The following CLDN14 variants were observed in gnomAD, a reference collection of about 807,000 sequenced individuals.
The protein encoded by CLDN14 is claudin-14.
A neutral mutation model predicts 2.1 loss-of-function variants in CLDN14; 2 were observed. The ratio of observed to expected loss-of-function variants is 0.96; its 90% confidence interval spans 0.39 to 3.01. CLDN14 has a LOEUF of 3.01. Among genes scored for constraint, CLDN14 ranks in the 30% most tolerant of loss-of-function variants. The probability of loss-of-function intolerance (pLI) is 0.09; values close to 1 mark genes in which losing one functional copy is unlikely to be tolerated. For synonymous variants in CLDN14, 136 were observed against 154.4 expected (o/e 0.88, Z 0.88); for missense variants, 298 against 328.0 (o/e 0.91, Z 0.71).
chr21:36,563,138 A>T (rs2087648673), intron 1 of CLDN14, among the ~76,000 whole-genome samples: 1 of 152,252 alleles, frequency 6.6e-6, no homozygotes, highest in Non-Finnish European at 1.5e-5. Context: ...CCTGAGATGC[A>T]TGGGCTACAT....
chr21:36,537,892 C>T (rs2087441135), intron 1 of CLDN14, among the ~76,000 whole-genome samples: 1 of 152,184 alleles, frequency 6.6e-6, no homozygotes, highest in African/African-American at 2.4e-5. Context: ...TAGTGATCTG[C>T]CTGCTTCAGC....
intron 1 of CLDN14, among the ~76,000 whole-genome samples, chr21:36,530,681 G>A (rs2087372720): frequency 6.6e-6 from 1 of 152,234 alleles, no homozygotes. Context: ...CCCACCAAAG[G>A]AGAGGGGCAG....
chr21:36,517,094 C>T (rs2087234308), intron 1 of CLDN14, among the ~76,000 whole-genome samples: 1 of 152,204 alleles, frequency 6.6e-6, no homozygotes, highest in Admixed American at 6.5e-5. Context: ...CCCACCTCAG[C>T]CTCCCAAAGT....
chr21:36,486,797 G>A (rs1477314848), intron 2 of CLDN14: 36 of 766,394 alleles, frequency 4.7e-5, no homozygotes, highest in Non-Finnish European at 6.5e-5. Flanking sequence ...TTCTTGCCCC[G>A]TCAGCGCTTC....
chr21:36,463,063 G>A (rs961224078), intron 1 of CLDN14, among the ~76,000 whole-genome samples: 8 of 152,156 alleles, frequency 5.3e-5, no homozygotes, highest in African/African-American at 9.7e-5. Flanking sequence ...AGGAAGGGAT[G>A]AAGGCAGAAA....
chr21:36,495,609 C>G (rs2087008790), intron 2 of CLDN14, among the ~76,000 whole-genome samples: 1 of 152,260 alleles, frequency 6.6e-6, no homozygotes, highest in African/African-American at 2.4e-5. Context: ...TTACAATGAG[C>G]AGTTGCAGCT....
chr21:36,489,312 A>G (rs1287091451), intron 2 of CLDN14, among the ~76,000 whole-genome samples: 3 of 151,684 alleles, frequency 2.0e-5, no homozygotes, highest in African/African-American at 7.3e-5. Flanking sequence ...TTTAGGAGTA[A>G]GGAGTTTTAT....
At chr21:36,465,632 C>T (rs219764) in intron 1 of CLDN14, among the ~76,000 whole-genome samples, 48,637 of 152,064 alleles carry the variant, frequency 0.32, 8,384 homozygotes, top group African/African-American at 0.45. Context: ...CGTGATGCTC[C>T]GGAAGCGCCC....
chr21:36,572,762 A>G (rs141948648), intron 1 of CLDN14, among the ~76,000 whole-genome samples: 1 of 152,322 alleles, frequency 6.6e-6, no homozygotes, highest in East Asian at 1.9e-4. Context: ...GGGACCTGAC[A>G]TGTGACTTAA....
At chr21:36,570,216 T>C (rs973801624) in intron 1 of CLDN14, among the ~76,000 whole-genome samples, 1 of 152,220 alleles carries the variant, frequency 6.6e-6, no homozygotes, top group African/African-American at 2.4e-5. Flanking sequence ...TAGGTTATGA[T>C]GATAAGGGAT....
At chr21:36,471,423 G>T (rs2086709107) in intron 1 of CLDN14, among the ~76,000 whole-genome samples, 1 of 152,190 alleles carries the variant, frequency 6.6e-6, no homozygotes, top group Non-Finnish European at 1.5e-5. Flanking sequence ...AAAAGTGTGT[G>T]AATTCACTTA....
chr21:36,534,504 G>A (rs983519409), intron 1 of CLDN14, among the ~76,000 whole-genome samples: 5 of 152,142 alleles, frequency 3.3e-5, no homozygotes, highest in African/African-American at 1.2e-4. Flanking sequence ...CTGTGTGGCC[G>A]ATGCCTGGCA....
intron 1 of CLDN14, among the ~76,000 whole-genome samples, chr21:36,562,053 G>A (rs955968997): frequency 1.3e-5 from 2 of 151,958 alleles, no homozygotes; most frequent in Admixed American, 6.6e-5. Context: ...ATATTCCTAA[G>A]ATCCTTGGTG....
intron 1 of CLDN14, among the ~76,000 whole-genome samples, chr21:36,538,568 C>A (rs1007160959): frequency 6.6e-6 from 1 of 151,932 alleles, no homozygotes; most frequent in African/African-American, 2.4e-5. Flanking sequence ...GAGCCGAGAT[C>A]GCACCACTGC....
intron 1 of CLDN14, among the ~76,000 whole-genome samples, chr21:36,463,586 A>T (rs1488365754): frequency 6.6e-6 from 1 of 152,008 alleles, no homozygotes; most frequent in African/African-American, 2.4e-5. Flanking sequence ...GGTTGTGTGC[A>T]CCTGTCATCC....
chr21:36,547,025 C>T (rs1343568423), intron 1 of CLDN14, among the ~76,000 whole-genome samples: 3 of 152,088 alleles, frequency 2.0e-5, no homozygotes, highest in Non-Finnish European at 4.4e-5. Context: ...CAGGACAATC[C>T]CCAAAACAAA....
intron 2 of CLDN14, among the ~76,000 whole-genome samples, chr21:36,485,295 G>C (rs1178972144): frequency 6.9e-6 from 1 of 143,972 alleles, no homozygotes; most frequent in Non-Finnish European, 1.6e-5. Flanking sequence ...TGCACTCTTT[G>C]CCTCCCAGGT....
intron 1 of CLDN14, among the ~76,000 whole-genome samples, chr21:36,463,635 C>T (rs1001464034): frequency 6.6e-6 from 1 of 152,172 alleles, no homozygotes. Context: ...ATCGCTTGAA[C>T]CGGGAGGCGG....
At chr21:36,471,753 A>C (rs1329574768) in intron 1 of CLDN14, among the ~76,000 whole-genome samples, 2 of 152,256 alleles carry the variant, frequency 1.3e-5, no homozygotes, top group African/African-American at 4.8e-5. Flanking sequence ...GAAAACCTTC[A>C]TGAATTAGAC....
Sources: allele counts gnomAD v4.1 joint callset (sites outside exome capture counted in the v4.1 genomes callset), GRCh38; gene constraint gnomAD v4.1.1; transcripts MANE v1.5; gene names NCBI Gene and HGNC (gene_info 2026-07-23, HGNC 2026-07-21).